GPATCH8: variants seen among roughly 807,000 people sequenced by gnomAD.
The protein encoded by GPATCH8 is G patch domain-containing protein 8.
In GPATCH8, 18 loss-of-function variants were observed where a neutral mutation model predicts 118.3. That is an observed-to-expected ratio of 0.15 (90% confidence interval 0.11 to 0.23). The LOEUF (loss-of-function observed/expected upper bound fraction) is 0.23, where lower values mean the gene tolerates loss of function less well. Ranked by LOEUF, GPATCH8 falls within the 10% of genes least tolerant of loss-of-function variation. GPATCH8 has a pLI of 1.00. For missense variants in GPATCH8, 1,631 were observed against 1,873.8 expected (o/e 0.87, Z 2.39); for synonymous variants, 659 against 684.7 (o/e 0.96, Z 0.59).
chr17:44,452,198 G>C (rs1345773701), intron 3 of GPATCH8, among the ~76,000 whole-genome samples: 2 of 150,228 alleles, frequency 1.3e-5, no homozygotes, highest in African/African-American at 4.9e-5. Flanking sequence ...GCTTGAACCA[G>C]GGAGGTGGAG....
intron 6 of GPATCH8, among the ~76,000 whole-genome samples, chr17:44,417,701 T>C (rs1179488112): frequency 2.0e-5 from 3 of 152,142 alleles, no homozygotes; most frequent in East Asian, 1.9e-4. Context: ...AGGAAAAGCA[T>C]AGGCCTGAGT....
intron 5 of GPATCH8, among the ~76,000 whole-genome samples, chr17:44,434,740 T>G (rs561689142): frequency 6.6e-6 from 1 of 152,342 alleles, no homozygotes; most frequent in East Asian, 1.9e-4. Context: ...GTTACAAGTG[T>G]GAGCCATTGT....
At chr17:44,416,060 C>T (rs999429617) in intron 6 of GPATCH8, among the ~76,000 whole-genome samples, 2 of 152,164 alleles carry the variant, frequency 1.3e-5, no homozygotes, top group South Asian at 2.1e-4. Flanking sequence ...TGGAGTGTAG[C>T]GGTACTATAT....
intron 1 of GPATCH8, among the ~76,000 whole-genome samples, chr17:44,485,831 G>A (rs1235463737): frequency 6.6e-6 from 1 of 152,120 alleles, no homozygotes; most frequent in African/African-American, 2.4e-5. Context: ...TGTTCTTTAA[G>A]TCCAGGTACT....
chr17:44,479,979 AAT>A, intron 1 of GPATCH8, among the ~76,000 whole-genome samples: 1 of 152,042 alleles, frequency 6.6e-6, no homozygotes, highest in Admixed American at 6.6e-5. Context: ...AAAAAAAAAA[AAT>A]TGATAGGCTG....
At chr17:44,436,388 T>TA in intron 4 of GPATCH8, 90 bp downstream of exon 4, 1 of 769,298 alleles carries the variant, frequency 1.3e-6, no homozygotes, top group East Asian at 2.5e-5. Context: ...TTTCATCTGA[T>TA]AAATGTATTC....
chr17:44,447,436 T>A (rs547208355), intron 3 of GPATCH8, among the ~76,000 whole-genome samples: 1 of 152,084 alleles, frequency 6.6e-6, no homozygotes, highest in African/African-American at 2.4e-5. Flanking sequence ...GGATTACAGG[T>A]GTGAGCCACC....
intron 6 of GPATCH8, among the ~76,000 whole-genome samples, chr17:44,423,043 C>T (rs1039681335): frequency 2.0e-5 from 3 of 151,634 alleles, no homozygotes; most frequent in Admixed American, 6.6e-5. Context: ...CCGAGGTGGG[C>T]GGATCACGAG....
chr17:44,403,617 C>T (rs1269930866), intron 7 of GPATCH8, among the ~76,000 whole-genome samples: 2 of 152,090 alleles, frequency 1.3e-5, no homozygotes, highest in Non-Finnish European at 2.9e-5. Flanking sequence ...TATATGATGT[C>T]CTTGTTATCC....
chr17:44,496,486 G>A (rs934881168), intron 1 of GPATCH8, among the ~76,000 whole-genome samples: 3 of 152,180 alleles, frequency 2.0e-5, no homozygotes, highest in African/African-American at 7.2e-5. Context: ...TCACAAGGAT[G>A]ACAACAAACA....
At chr17:44,402,757 A>G (rs2049076663) in intron 7 of GPATCH8, among the ~76,000 whole-genome samples, 1 of 152,246 alleles carries the variant, frequency 6.6e-6, no homozygotes, top group African/African-American at 2.4e-5. Flanking sequence ...CAGAAACTAA[A>G]AAGTCCATGC....
At chr17:44,424,916 T>C (rs541638543) in intron 5 of GPATCH8, among the ~76,000 whole-genome samples, 1 of 152,330 alleles carries the variant, frequency 6.6e-6, no homozygotes, top group African/African-American at 2.4e-5. Context: ...TCATTCTACA[T>C]ATAAGCTGCA....
intron 1 of GPATCH8, among the ~76,000 whole-genome samples, chr17:44,493,185 G>A (rs955829893): frequency 8.7e-5 from 13 of 150,020 alleles, no homozygotes; most frequent in South Asian, 2.1e-4. Flanking sequence ...CCTCCCCTCC[G>A]CAGTAGGTGG....
At chr17:44,501,048 C>T (rs1252104578) in intron 1 of GPATCH8, among the ~76,000 whole-genome samples, 2 of 152,152 alleles carry the variant, frequency 1.3e-5, no homozygotes, top group African/African-American at 4.8e-5. Context: ...AAAGTTTTAA[C>T]ATCTTACAAC....
At chr17:44,454,459 C>T (rs1421032554) in intron 3 of GPATCH8, among the ~76,000 whole-genome samples, 1 of 152,210 alleles carries the variant, frequency 6.6e-6, no homozygotes, top group Non-Finnish European at 1.5e-5. Context: ...TGACTTAACT[C>T]ACATTTAAGG....
intron 7 of GPATCH8, among the ~76,000 whole-genome samples, chr17:44,402,522 A>G (rs941566047): frequency 2.6e-5 from 4 of 152,086 alleles, no homozygotes; most frequent in Non-Finnish European, 5.9e-5. Flanking sequence ...GGTGGCTCAC[A>G]TGTGTAATCT....
intron 3 of GPATCH8, among the ~76,000 whole-genome samples, chr17:44,439,079 A>G (rs2050606261): frequency 6.6e-6 from 1 of 152,192 alleles, no homozygotes; most frequent in Non-Finnish European, 1.5e-5. Flanking sequence ...ATGACATCTA[A>G]GACTCTATCA....
chr17:44,482,931 C>A (rs562176107), intron 1 of GPATCH8, among the ~76,000 whole-genome samples: 1 of 149,260 alleles, frequency 6.7e-6, no homozygotes, highest in Non-Finnish European at 1.5e-5. Flanking sequence ...CCGAGGCAGG[C>A]GGATCACGAG....
chr17:44,496,332 C>T (rs1027622365), intron 1 of GPATCH8, among the ~76,000 whole-genome samples: 1 of 152,186 alleles, frequency 6.6e-6, no homozygotes, highest in Admixed American at 6.5e-5. Flanking sequence ...ACTTTTCCAA[C>T]AATGTCATTA....
Sources: gnomAD v4.1 joint callset for allele counts (sites outside exome capture counted in the v4.1 genomes callset) on GRCh38, gnomAD v4.1.1 for gene constraint, MANE v1.5 for transcripts, NCBI Gene and HGNC (gene_info 2026-07-23, HGNC 2026-07-21) for gene names.